The following NLGN1 variants were observed in gnomAD, a reference collection of about 807,000 sequenced individuals.
NLGN1 encodes neuroligin 1.
In NLGN1, 12 loss-of-function variants were observed where a neutral mutation model predicts 65.5. That is an observed-to-expected ratio of 0.18 (90% CI 0.12 to 0.30). The LOEUF is 0.30. NLGN1 is among the 10% of genes least tolerant of loss of function. The pLI is 1.00. For synonymous variants in NLGN1, 350 were observed against 359.5 expected, an observed-to-expected ratio of 0.97 and a Z score of 0.30; for missense variants, 750 against 1,007.1, an observed-to-expected ratio of 0.74 and a Z score of 3.46.
intron 5 of NLGN1, among the ~76,000 whole-genome samples, chr3:174,275,989 T>C (rs975734812): frequency 3.2e-4 from 48 of 152,004 alleles, no homozygotes; most frequent in Admixed American, 2.6e-3. Context: ...TGAAAACATG[T>C]GATTTCACTT....
At chr3:173,730,165 A>G (rs900014514) in intron 3 of NLGN1, among the ~76,000 whole-genome samples, 11 of 151,356 alleles carry the variant, frequency 7.3e-5, no homozygotes, top group Middle Eastern at 3.5e-3. Flanking sequence ...ATACATGATT[A>G]TATATAAATT....
At chr3:173,983,100 G>A (rs1719121153) in intron 4 of NLGN1, among the ~76,000 whole-genome samples, 3 of 151,612 alleles carry the variant, frequency 2.0e-5, no homozygotes, top group African/African-American at 7.3e-5. Flanking sequence ...GAGTTCTTCT[G>A]TTTTTTCTTC....
intron 1 of NLGN1, among the ~76,000 whole-genome samples, chr3:173,404,515 C>G (rs981750712): frequency 1.3e-5 from 2 of 152,094 alleles, no homozygotes; most frequent in African/African-American, 4.8e-5. Context: ...GTAACTCCAT[C>G]TGTGTTTAGG....
chr3:173,649,911 G>A (rs921523333), intron 3 of NLGN1, among the ~76,000 whole-genome samples: 4 of 151,926 alleles, frequency 2.6e-5, no homozygotes, highest in Non-Finnish European at 5.9e-5. Context: ...ATATGAAAAT[G>A]TATACTCAAA....
intron 4 of NLGN1, among the ~76,000 whole-genome samples, chr3:174,246,542 C>A: frequency 6.6e-6 from 1 of 152,066 alleles, no homozygotes; most frequent in East Asian, 1.9e-4. Context: ...CTTCAGCCTC[C>A]CAAGGAGCTA....
intron 4 of NLGN1, among the ~76,000 whole-genome samples, chr3:174,104,128 A>C (rs1047995839): frequency 1.3e-5 from 2 of 152,064 alleles, no homozygotes; most frequent in African/African-American, 2.4e-5. Flanking sequence ...TCAGGTTTCA[A>C]ATCGTCCTTC....
At chr3:173,701,042 G>A (rs370312895) in intron 3 of NLGN1, among the ~76,000 whole-genome samples, 3 of 152,046 alleles carry the variant, frequency 2.0e-5, no homozygotes, top group Non-Finnish European at 4.4e-5. Flanking sequence ...GGAGAATGGC[G>A]TGAACCCAGG....
intron 4 of NLGN1, among the ~76,000 whole-genome samples, chr3:174,233,987 G>T (rs1189207586): frequency 6.6e-6 from 1 of 151,904 alleles, no homozygotes; most frequent in Non-Finnish European, 1.5e-5. Context: ...CTTTATATGG[G>T]CATTTAAACT....
At chr3:173,969,574 G>A (rs1715722144) in intron 4 of NLGN1, among the ~76,000 whole-genome samples, 1 of 152,048 alleles carries the variant, frequency 6.6e-6, no homozygotes, top group Admixed American at 6.6e-5. Flanking sequence ...CCTGCCCATT[G>A]AGAAGTCTAT....
At chr3:173,682,308 G>A (rs1018301158) in intron 3 of NLGN1, among the ~76,000 whole-genome samples, 1 of 151,974 alleles carries the variant, frequency 6.6e-6, no homozygotes, top group African/African-American at 2.4e-5. Flanking sequence ...GACAATAGGT[G>A]GCTGGGCACG....
At chr3:174,069,912 C>G (rs1043788205) in intron 4 of NLGN1, among the ~76,000 whole-genome samples, 3 of 152,160 alleles carry the variant, frequency 2.0e-5, no homozygotes, top group Non-Finnish European at 4.4e-5. Flanking sequence ...ACTTAAGCAT[C>G]ACTAAATCTC....
At chr3:173,712,964 A>G (rs1299821982) in intron 3 of NLGN1, among the ~76,000 whole-genome samples, 1 of 152,162 alleles carries the variant, frequency 6.6e-6, no homozygotes, top group East Asian at 1.9e-4. Context: ...TATGTGTAGT[A>G]GCAGCAAGGT....
chr3:173,710,283 C>T (rs6445116), intron 3 of NLGN1, among the ~76,000 whole-genome samples: 73,020 of 151,808 alleles, frequency 0.48, 18,713 homozygotes, highest in African/African-American at 0.68. Context: ...TTTTAGATTC[C>T]GGAAATTCAC....
At chr3:174,098,552 G>C (rs780475375) in intron 4 of NLGN1, among the ~76,000 whole-genome samples, 5 of 152,130 alleles carry the variant, frequency 3.3e-5, no homozygotes, top group Non-Finnish European at 5.9e-5. Context: ...TGGATGTCTA[G>C]CAGTCTCATC....
intron 2 of NLGN1, among the ~76,000 whole-genome samples, chr3:173,479,578 T>G (rs923066202): frequency 1.3e-5 from 2 of 152,294 alleles, no homozygotes; most frequent in East Asian, 3.9e-4. Context: ...GGGAAAAGAC[T>G]CTTCCACTCC....
intron 4 of NLGN1, among the ~76,000 whole-genome samples, chr3:174,142,269 A>G (rs1722426943): frequency 1.3e-5 from 2 of 152,232 alleles, no homozygotes; most frequent in South Asian, 4.1e-4. Context: ...TTTCAATACT[A>G]GGCATAATAA....
intron 3 of NLGN1, among the ~76,000 whole-genome samples, chr3:173,754,019 CTTTTCT>C (rs1300887278): frequency 1.6e-4 from 17 of 104,602 alleles, no homozygotes; most frequent in Admixed American, 4.4e-4. Flanking sequence ...TTATTTCTTT[CTTTTCT>C]TTTTTTTTTT....
intron 3 of NLGN1, among the ~76,000 whole-genome samples, chr3:173,770,771 G>T (rs1021015722): frequency 6.6e-6 from 1 of 152,012 alleles, no homozygotes; most frequent in Non-Finnish European, 1.5e-5. Flanking sequence ...TCCCAAAAAA[G>T]GCTTGAAGGG....
At chr3:174,261,061 A>G (rs1199562760) in intron 4 of NLGN1, among the ~76,000 whole-genome samples, 2 of 152,168 alleles carry the variant, frequency 1.3e-5, no homozygotes, top group Non-Finnish European at 2.9e-5. Context: ...TTTTGGTACC[A>G]GTACCATGCT....
Sources: gnomAD v4.1 joint callset for allele counts (sites outside exome capture counted in the v4.1 genomes callset) on GRCh38, gnomAD v4.1.1 for gene constraint, MANE v1.5 for transcripts, NCBI Gene and HGNC (gene_info 2026-07-23, HGNC 2026-07-21) for gene names.